The following GPATCH2 variants were observed in gnomAD, a reference collection of about 807,000 sequenced individuals.
GPATCH2 encodes G patch domain-containing protein 2.
In GPATCH2, 51 loss-of-function variants were observed where a neutral mutation model predicts 58.0. The ratio of observed to expected loss-of-function variants is 0.88; its 90% CI spans 0.70 to 1.11. GPATCH2 has a LOEUF of 1.11. Among genes scored for constraint, GPATCH2 ranks in the 50% most tolerant of loss-of-function variants. The probability of loss-of-function intolerance (pLI) is 0.00; values close to 1 mark genes in which losing one functional copy is unlikely to be tolerated. For missense variants in GPATCH2, 625 were observed against 652.2 expected, an observed-to-expected ratio of 0.96 and a Z score of 0.45; for synonymous variants, 222 against 218.5, an observed-to-expected ratio of 1.02 and a Z score of -0.14.
chr1:217,616,260 G>A (rs910677879), intron 2 of GPATCH2, among the ~76,000 whole-genome samples: 8 of 152,142 alleles, frequency 5.3e-5, no homozygotes, highest in South Asian at 4.2e-4. Context: ...ATACACACAC[G>A]TGTACATTAT....
intron 5 of GPATCH2, among the ~76,000 whole-genome samples, chr1:217,571,292 TAA>T (rs1666524840): frequency 1.3e-5 from 2 of 152,170 alleles, no homozygotes; most frequent in Admixed American, 6.5e-5. Context: ...GACCTCAACA[TAA>T]GTTTGTGTAA....
At chr1:217,598,704 A>G (rs2102786500) in intron 5 of GPATCH2, among the ~76,000 whole-genome samples, 1 of 152,180 alleles carries the variant, frequency 6.6e-6, no homozygotes, top group African/African-American at 2.4e-5. Flanking sequence ...TGATCTCGTG[A>G]TCCACCTGCC....
intron 5 of GPATCH2, among the ~76,000 whole-genome samples, chr1:217,594,191 A>C (rs981498946): frequency 3.9e-5 from 6 of 152,114 alleles, no homozygotes; most frequent in African/African-American, 1.4e-4. Context: ...TTTAACTCAT[A>C]ATTTTTTCAC....
At chr1:217,439,823 C>T (rs923677657) in intron 9 of GPATCH2, among the ~76,000 whole-genome samples, 9 of 152,070 alleles carry the variant, frequency 5.9e-5, no homozygotes, top group African/African-American at 1.4e-4. Flanking sequence ...AGGAAGAAGT[C>T]GAATCCCTGA....
chr1:217,540,647 A>G lies in GPATCH2; in HGVS notation c.1099-25758T>C, dbSNP rs189541277. 3.5e-4 allele frequency among the ~76,000 whole-genome samples: 53 copies of G among 152,350 alleles called. No homozygotes were observed. In the East Asian group the frequency reaches 9.1e-3, roughly 26 times the overall value. On this transcript the variant is annotated intron_variant, in intron 5 of 9. Coordinates refer to ENST00000366935, the MANE Select transcript of GPATCH2 (RefSeq NM_018040.5). ...CTCTTTAAAGGATCAATTCTGAACC[A>G]CTTTAGTGGTAAACAGGATTCAACA...
At chr1:217,575,955 C>T (rs1428618828) in intron 5 of GPATCH2, among the ~76,000 whole-genome samples, 1 of 152,058 alleles carries the variant, frequency 6.6e-6, no homozygotes, top group Non-Finnish European at 1.5e-5. Context: ...CTGTCCAAGA[C>T]ACCGTGAGTG....
intron 5 of GPATCH2, among the ~76,000 whole-genome samples, chr1:217,569,864 A>C (rs1190047325): frequency 1.3e-5 from 2 of 152,182 alleles, no homozygotes; most frequent in African/African-American, 4.8e-5. Context: ...CTAATGAAAA[A>C]TGCTAAAGAC....
Position 217,609,505 on chromosome 1 carries a change from G to A in GPATCH2, c.1098+816C>T, listed in dbSNP as rs942045457. ...CTAATTTAAAACGAGGATGATTTTTGCAGTACAATGAAAGCTATACTATAA... is the reference window on the plus strand; with the variant it reads ...CTAATTTAAAACGAGGATGATTTTTACAGTACAATGAAAGCTATACTATAA... On this transcript the variant is annotated intron_variant, in intron 5 of 9. Coordinates refer to ENST00000366935, the MANE Select transcript of GPATCH2 (RefSeq NM_018040.5). 31 of 983,142 alleles carry A rather than the reference G, an allele frequency of 3.2e-5. No individual in the cohort carries two copies. The African/African-American group carries it at 5.1e-4, about 16-fold the overall frequency. The allele number at this position is 983,142 out of a possible 1,614,324, so 60.9% of individuals were successfully genotyped here.
intron 9 of GPATCH2, among the ~76,000 whole-genome samples, chr1:217,444,507 T>C (rs1341664094): frequency 6.6e-6 from 1 of 152,242 alleles, no homozygotes; most frequent in Non-Finnish European, 1.5e-5. Context: ...TTATTTAGTC[T>C]TTTATCAGGA....
At chr1:217,506,157 T>C (rs535881496) in intron 6 of GPATCH2, among the ~76,000 whole-genome samples, 2 of 152,350 alleles carry the variant, frequency 1.3e-5, no homozygotes, top group African/African-American at 2.4e-5. Context: ...TACGGTTTCA[T>C]AACTACCATA....
intron 7 of GPATCH2, among the ~76,000 whole-genome samples, chr1:217,496,445 G>A (rs1662010889): frequency 6.6e-6 from 1 of 151,898 alleles, no homozygotes; most frequent in Admixed American, 6.6e-5. Context: ...AGTTTTTTGG[G>A]TTTTTTGTTT....
chr1:217,468,562 C>CACACAG (rs1422304383), intron 8 of GPATCH2, among the ~76,000 whole-genome samples: 1 of 128,846 alleles, frequency 7.8e-6, no homozygotes, highest in African/African-American at 2.7e-5. Flanking sequence ...CACACACACA[C>CACACAG]AGAGAGAAAG....
At chr1:217,468,387 C>A (rs992684660) in intron 8 of GPATCH2, among the ~76,000 whole-genome samples, 4 of 152,004 alleles carry the variant, frequency 2.6e-5, no homozygotes, top group African/African-American at 9.7e-5. Context: ...ACAGGAAACA[C>A]AGAGGACAGT....
At chr1:217,522,811 A>C (rs922894105) in intron 5 of GPATCH2, among the ~76,000 whole-genome samples, 1 of 149,882 alleles carries the variant, frequency 6.7e-6, no homozygotes, top group Non-Finnish European at 1.5e-5. Flanking sequence ...AAAAACAAAT[A>C]GTTTTGGGGA....
chr1:217,496,581 A>G (rs1662018281), intron 7 of GPATCH2, among the ~76,000 whole-genome samples: 1 of 152,200 alleles, frequency 6.6e-6, no homozygotes, highest in Non-Finnish European at 1.5e-5. Flanking sequence ...TGGGTCTTAA[A>G]GAGAAAATAT....
intron 8 of GPATCH2, among the ~76,000 whole-genome samples, chr1:217,452,190 A>G (rs1444602084): frequency 2.0e-5 from 3 of 152,212 alleles, no homozygotes; most frequent in Non-Finnish European, 2.9e-5. Context: ...GAGGAGACCA[A>G]CTAGGTTTGC....
chr1:217,516,312 T>C (rs574293332), intron 5 of GPATCH2, among the ~76,000 whole-genome samples: 45 of 152,292 alleles, frequency 3.0e-4, no homozygotes, highest in Non-Finnish European at 4.0e-4. Context: ...AAAATTCCTC[T>C]TAAAAAAACC....
intron 8 of GPATCH2, among the ~76,000 whole-genome samples, chr1:217,457,982 C>T (rs1660019840): frequency 6.6e-6 from 1 of 152,130 alleles, no homozygotes; most frequent in African/African-American, 2.4e-5. Context: ...AATCCCAGCA[C>T]TTTGAGAGGC....
chr1:217,614,719 T>A (rs17046650), intron 2 of GPATCH2, among the ~76,000 whole-genome samples: 87,523 of 148,544 alleles, frequency 0.59, 26,182 homozygotes, highest in Non-Finnish European at 0.63. Context: ...TTGCAAGGAA[T>A]AAAAAGTTTA....
Sources: gnomAD v4.1 joint callset for allele counts (sites outside exome capture counted in the v4.1 genomes callset) on GRCh38, gnomAD v4.1.1 for gene constraint, MANE v1.5 for transcripts, NCBI Gene and HGNC (gene_info 2026-07-23, HGNC 2026-07-21) for gene names.